Variants in PRKN observed in about 807,000 individuals in gnomAD.
The protein encoded by PRKN is E3 ubiquitin-protein ligase parkin.
PRKN carries 56 observed loss-of-function variants against 59.5 expected under a neutral mutation model. That is an observed-to-expected ratio of 0.94 (90% CI 0.76 to 1.18). The LOEUF is 1.18. PRKN is among the 50% of genes most tolerant of loss of function. The pLI, the probability that PRKN is intolerant of heterozygous loss-of-function variation, is 0.00. For missense variants in PRKN, 657 were observed against 596.4 expected, an observed-to-expected ratio of 1.10 and a Z score of -1.06; for synonymous variants, 250 against 222.1, an observed-to-expected ratio of 1.13 and a Z score of -1.12.
At chr6:161,732,708 G>A (rs536265664) in intron 7 of PRKN, among the ~76,000 whole-genome samples, 1 of 152,266 alleles carries the variant, frequency 6.6e-6, no homozygotes, top group African/African-American at 2.4e-5. Context: ...CATCCATGCT[G>A]CTGCAAAGGC....
chr6:161,468,361 AG>A lies in PRKN; in HGVS notation c.1083+80492del, dbSNP rs1219071336. Reference sequence around the variant, plus strand: ...ATAGTGTACTACGCCAGGTGTAGACAGGAAGAGAGAAGAGGCAGTGGGTCTG... The same window carrying A: ...ATAGTGTACTACGCCAGGTGTAGACAGAAGAGAGAAGAGGCAGTGGGTCTG... On this transcript the variant is annotated intron_variant, in intron 9 of 11. Transcript: ENST00000366898. The surrounding 1 kb of genome is among the most constrained non-coding windows in gnomAD (Gnocchi z 5.9). Among the ~76,000 whole-genome samples the A allele has an allele frequency of 1.3e-5, 2 of 152,010 alleles. No individual in the cohort carries two copies. Among genetic ancestry groups the A allele is most frequent in the Admixed American group, 6.5e-5 (1 of 15,268 alleles).
intron 4 of PRKN, among the ~76,000 whole-genome samples, chr6:162,179,927 A>G (rs1783714277): frequency 7.0e-6 from 1 of 142,306 alleles, no homozygotes; most frequent in African/African-American, 2.5e-5. Flanking sequence ...CTTTGACAGA[A>G]AAATTGTAGT....
chr6:162,516,778 GAAAGA>G (rs1315189907), intron 1 of PRKN, among the ~76,000 whole-genome samples: 5 of 142,434 alleles, frequency 3.5e-5, no homozygotes, highest in Admixed American at 7.1e-5. Context: ...AAAAAAAAAA[GAAAGA>G]AAAGAAAAGA....
chr6:162,554,810 C>T (rs1583790688), intron 1 of PRKN, among the ~76,000 whole-genome samples: 1 of 152,210 alleles, frequency 6.6e-6, no homozygotes, highest in East Asian at 1.9e-4. Context: ...CAGGTCACCA[C>T]AGAAATGTTC....
chr6:162,107,037 T>C (rs906421010), intron 4 of PRKN, among the ~76,000 whole-genome samples: 15 of 152,318 alleles, frequency 9.8e-5, no homozygotes, highest in African/African-American at 3.4e-4. Context: ...GTATTCCCCA[T>C]GCTCCAAGAG....
At chr6:161,675,583 C>T (rs1400683205) in intron 7 of PRKN, among the ~76,000 whole-genome samples, 1 of 152,168 alleles carries the variant, frequency 6.6e-6, no homozygotes, top group Non-Finnish European at 1.5e-5. Flanking sequence ...GTGGTGTGAG[C>T]AGCAAGAATG....
At chr6:162,262,822 A>G in intron 2 of PRKN, 57 bp from the exon 3 acceptor site, 3 of 1,590,154 alleles carry the variant, frequency 1.9e-6, no homozygotes, top group Non-Finnish European at 2.6e-6. Flanking sequence ...CAAACATGAA[A>G]TGCGAGATAG....
intron 4 of PRKN, among the ~76,000 whole-genome samples, chr6:162,192,498 G>A (rs1784324867): frequency 7.4e-6 from 1 of 135,450 alleles, no homozygotes; most frequent in African/African-American, 2.9e-5. Flanking sequence ...TGTCACTCAG[G>A]CTGGAATGTG....
At chr6:162,721,961 A>C (rs2128240826) in intron 1 of PRKN, among the ~76,000 whole-genome samples, 1 of 152,312 alleles carries the variant, frequency 6.6e-6, no homozygotes, top group South Asian at 2.1e-4. Context: ...ATGAAAAATC[A>C]CGTGTTGCAG....
chr6:162,215,829 A>G (rs1242966419), intron 3 of PRKN, among the ~76,000 whole-genome samples: 1 of 152,094 alleles, frequency 6.6e-6, no homozygotes, highest in African/African-American at 2.4e-5. Context: ...GTGGATCATG[A>G]GGTCAGGAGT....
intron 2 of PRKN, among the ~76,000 whole-genome samples, chr6:162,330,126 C>A (rs1783507315): frequency 1.3e-5 from 2 of 152,286 alleles, no homozygotes; most frequent in South Asian, 2.1e-4. Flanking sequence ...CTCTGGTGTC[C>A]TAAAGAGCAA....
intron 1 of PRKN, among the ~76,000 whole-genome samples, chr6:162,598,176 T>C (rs1781563249): frequency 6.6e-6 from 1 of 152,214 alleles, no homozygotes; most frequent in South Asian, 2.1e-4. Flanking sequence ...TATAAATTTC[T>C]GAGAAATTGT....
At chr6:162,260,196 G>C (rs1423171903) in intron 3 of PRKN, among the ~76,000 whole-genome samples, 1 of 152,080 alleles carries the variant, frequency 6.6e-6, no homozygotes, top group Non-Finnish European at 1.5e-5. Context: ...CCAGTCCCTA[G>C]CCTGCCAAAA....
intron 1 of PRKN, among the ~76,000 whole-genome samples, chr6:162,705,920 A>C (rs545721750): frequency 1.1e-4 from 16 of 152,274 alleles, no homozygotes; most frequent in African/African-American, 3.9e-4. Flanking sequence ...GCAAAGCACT[A>C]AACACTTCTA....
rs1321065843 is a variant in PRKN, at chr6:161,588,725, T to C, written c.872-19309A>G. 6.6e-6 allele frequency among the ~76,000 whole-genome samples: 1 copy of C among 152,124 alleles called. No homozygotes were observed. The highest frequency in any genetic ancestry group is 6.5e-5 in the Admixed American group (1 of 15,274). ...CAATCCCTAGAAAATACACCCAAAGTGGTTTTTGAGAGGACACCATCATCT... is the reference window on the plus strand; with the variant it reads ...CAATCCCTAGAAAATACACCCAAAGCGGTTTTTGAGAGGACACCATCATCT... On this transcript the variant is annotated intron_variant, in intron 7 of 11. Coordinates refer to ENST00000366898, the MANE Select transcript of PRKN (RefSeq NM_004562.3). This position sits in a 1 kb window ranked among gnomAD's most constrained non-coding sequence, Gnocchi z 5.0.
chr6:161,937,018 T>G (rs995952235), intron 6 of PRKN, among the ~76,000 whole-genome samples: 2 of 151,964 alleles, frequency 1.3e-5, no homozygotes, highest in African/African-American at 2.4e-5. Flanking sequence ...ACTCCTGACC[T>G]CAAGTAATCT....
At chr6:161,943,727 GAA>G (rs1779653536) in intron 6 of PRKN, among the ~76,000 whole-genome samples, 1 of 151,528 alleles carries the variant, frequency 6.6e-6, no homozygotes, top group Non-Finnish European at 1.5e-5. Flanking sequence ...TCAGCCTGAG[GAA>G]ATACCCTGAG....
At position 161,410,637 on chromosome 6, in the gene PRKN, G is replaced by A. The variant is rs1223268544; in HGVS notation, c.1084-23760C>T. On this transcript the variant is annotated intron_variant, in intron 9 of 11. Transcript: ENST00000366898. This position sits in a 1 kb window ranked among gnomAD's most constrained non-coding sequence, Gnocchi z 5.3. ...TGGTGCTCATCGTGGGCCATGCGTT[G>A]GTTACAAGGAAGCAGATGGAGTTGG... 6.6e-6 allele frequency among the ~76,000 whole-genome samples: 1 copy of A among 152,112 alleles called. No homozygotes were observed.
At chr6:162,344,687 C>T (rs1176270527) in intron 2 of PRKN, among the ~76,000 whole-genome samples, 4 of 151,780 alleles carry the variant, frequency 2.6e-5, no homozygotes, top group Non-Finnish European at 4.4e-5. Context: ...CCCACTACTA[C>T]TAACAGTGGC....
Sources: allele counts gnomAD v4.1 joint callset (sites outside exome capture counted in the v4.1 genomes callset), GRCh38; gene constraint gnomAD v4.1.1; non-coding constraint Gnocchi (gnomAD v3.1); transcripts MANE v1.5; gene names NCBI Gene and HGNC (gene_info 2026-07-23, HGNC 2026-07-21).